The following COL25A1 variants were observed in gnomAD, a reference collection of about 807,000 sequenced individuals.
The protein encoded by COL25A1 is collagen alpha-1(XXV) chain.
Under a neutral mutation model 128.4 loss-of-function variants are expected in COL25A1, and 103 were observed. That is an observed-to-expected ratio of 0.80 (90% confidence interval 0.68 to 0.94). The LOEUF is 0.94. Among genes scored for constraint, COL25A1 ranks in the 40% least tolerant of loss-of-function variants. The pLI, the probability that COL25A1 is intolerant of heterozygous loss-of-function variation, is 0.00. For synonymous variants in COL25A1, 279 were observed against 277.2 expected (o/e 1.01, Z -0.06); for missense variants, 745 against 840.0 (o/e 0.89, Z 1.40).
chr4:109,026,924 G>C (rs555589901), intron 5 of COL25A1, among the ~76,000 whole-genome samples: 1 of 152,332 alleles, frequency 6.6e-6, no homozygotes, highest in Admixed American at 6.5e-5. Flanking sequence ...AGATCAATTT[G>C]CTGTACAGAG....
intron 3 of COL25A1, among the ~76,000 whole-genome samples, chr4:109,106,166 A>T (rs963751882): frequency 1.2e-4 from 19 of 152,158 alleles, no homozygotes; most frequent in African/African-American, 4.6e-4. Flanking sequence ...TATACAAATT[A>T]TCTTTCTCTT....
At chr4:109,182,882 TC>T (rs1351722019) in intron 3 of COL25A1, among the ~76,000 whole-genome samples, 1 of 152,036 alleles carries the variant, frequency 6.6e-6, no homozygotes, top group Non-Finnish European at 1.5e-5. Context: ...AAAAAAGGTT[TC>T]CTATTAACCT....
At chr4:108,939,014 C>G (rs1747771634) in intron 10 of COL25A1, among the ~76,000 whole-genome samples, 1 of 152,174 alleles carries the variant, frequency 6.6e-6, no homozygotes, top group African/African-American at 2.4e-5. Flanking sequence ...AAACTATATT[C>G]ATTTAAAGAA....
chr4:108,936,312 T>C (rs1747397115), intron 11 of COL25A1, among the ~76,000 whole-genome samples: 1 of 152,186 alleles, frequency 6.6e-6, no homozygotes, highest in African/African-American at 2.4e-5. Context: ...CTCACGCCTG[T>C]AATCCCAGCA....
chr4:108,969,550 G>A (rs1751691621), intron 8 of COL25A1, among the ~76,000 whole-genome samples: 1 of 152,178 alleles, frequency 6.6e-6, no homozygotes, highest in African/African-American at 2.4e-5. Flanking sequence ...CTTTCATGGT[G>A]AAATTGGAGC....
intron 5 of COL25A1, among the ~76,000 whole-genome samples, chr4:109,015,071 G>A (rs533238271): frequency 1.3e-5 from 2 of 152,210 alleles, no homozygotes; most frequent in African/African-American, 4.8e-5. Context: ...TGGTGATATG[G>A]TAATGGTATC....
chr4:109,301,651 G>A (rs1725542689), intron 2 of COL25A1, 72 bp downstream of exon 2: 8 of 1,521,448 alleles, frequency 5.3e-6, no homozygotes, highest in Non-Finnish European at 7.2e-6. Flanking sequence ...TAAGGGTAGC[G>A]GCTAGTCATG....
rs1772811014 is a variant in COL25A1, at chr4:109,163,810, A to C, written c.368-113631T>G. Among the ~76,000 whole-genome samples, 3 of 152,334 alleles carry C rather than the reference A, an allele frequency of 2.0e-5. No homozygotes were observed. The South Asian group carries it at 6.2e-4, about 32-fold the overall frequency. On this transcript the variant is annotated intron_variant, in intron 3 of 37. Transcript: ENST00000399132. ...CTGGTTTCTGGTTCTGATCTGTTGCAATGCACCAAAGAGTCATTTTTATTT... is the reference window on the plus strand; with the variant it reads ...CTGGTTTCTGGTTCTGATCTGTTGCCATGCACCAAAGAGTCATTTTTATTT...
intron 3 of COL25A1, among the ~76,000 whole-genome samples, chr4:109,076,402 C>A (rs1428781376): frequency 6.6e-6 from 1 of 152,146 alleles, no homozygotes; most frequent in East Asian, 1.9e-4. Flanking sequence ...ATGTATTAAT[C>A]AATTTATCAC....
At position 109,218,454 on chromosome 4, in the gene COL25A1, A is replaced by T. The variant is rs146523447; in HGVS notation, c.367+82129T>A. On this transcript the variant is annotated intron_variant, in intron 3 of 37. Coordinates refer to ENST00000399132, the MANE Select transcript of COL25A1 (RefSeq NM_198721.4). ...CCCATGAAAGTTTTAAACTCTATCCAAACCCAGGACAATCCAGCCTCTGTT... is the reference window on the plus strand; with the variant it reads ...CCCATGAAAGTTTTAAACTCTATCCTAACCCAGGACAATCCAGCCTCTGTT... 8.2e-5 allele frequency among the ~76,000 whole-genome samples: 12 copies of T among 146,154 alleles called. No individual in the cohort carries two copies. The East Asian group carries it at 2.5e-3, about 30-fold the overall frequency.
chr4:108,951,147 G>GA (rs763830102), intron 8 of COL25A1, among the ~76,000 whole-genome samples: 3 of 152,112 alleles, frequency 2.0e-5, no homozygotes, highest in Non-Finnish European at 4.4e-5. Flanking sequence ...GAAATGCCTG[G>GA]AAAAATTGAT....
intron 26 of COL25A1, among the ~76,000 whole-genome samples, chr4:108,851,766 A>G (rs1342359555): frequency 6.6e-6 from 1 of 152,186 alleles, no homozygotes; most frequent in East Asian, 1.9e-4. Flanking sequence ...TAAAGAATGC[A>G]TTATGAAAAA....
chr4:109,198,792 G>A (rs1364650779), intron 3 of COL25A1, among the ~76,000 whole-genome samples: 1 of 152,172 alleles, frequency 6.6e-6, no homozygotes, highest in African/African-American at 2.4e-5. Flanking sequence ...ACAAATGTCT[G>A]GGATGCTTTC....
chr4:109,301,783 A>C lies in COL25A1; in HGVS notation c.237T>G (p.Pro79=). The C allele has an allele frequency of 1.2e-6, 2 of 1,614,244 alleles. No homozygotes were observed. Among genetic ancestry groups the C allele is most frequent in the Non-Finnish European group, 1.7e-6 (2 of 1,180,036 alleles). ...TAGTCTTGAGGTGATCCAGGGTATC[A>C]GGCAGCAGATGAATGGAAGGGGCCC... ...AKGAPSIHLL[P]DTLDHLKTMV... Residue 79 remains proline (P), a synonymous_variant, in exon 2 of 38, where the codon CCT becomes CCG. Transcript: ENST00000399132.
intron 23 of COL25A1, 31 bp from the exon 24 acceptor site, chr4:108,859,764 G>C: frequency 6.4e-7 from 1 of 1,556,328 alleles, no homozygotes; most frequent in Non-Finnish European, 8.9e-7. Context: ...GGAAAATCAT[G>C]GGTATTAGCT....
chr4:108,858,311 G>A (rs1306255836), intron 24 of COL25A1, among the ~76,000 whole-genome samples: 2 of 152,140 alleles, frequency 1.3e-5, no homozygotes, highest in Non-Finnish European at 2.9e-5. Context: ...TAGGGAAAGA[G>A]TCATTGGTCA....
Position 109,302,539 on chromosome 4 carries a change from G to C in COL25A1, c.-427C>G, listed in dbSNP as rs1725658786. On this transcript the variant is annotated 5_prime_UTR_variant, in exon 1 of 38. Coordinates refer to ENST00000399132, the MANE Select transcript of COL25A1 (RefSeq NM_198721.4). The stretch of plus-strand genomic sequence containing the variant: ...TCAGTTCAAGGCAAAAAGGCTGTGA[G>C]AGCACGCTACAGCGCAGCGCGAAAG... The C allele has an allele frequency of 6.4e-6, 1 of 157,378 alleles. No homozygotes were observed. The highest frequency in any genetic ancestry group is 6.4e-5 in the Admixed American group (1 of 15,742). 9.7% of individuals were successfully genotyped at this position (157,378 alleles called of 1,614,324 possible). A position where few individuals can be genotyped will look rare whatever the true frequency, so the allele number is the denominator to read the frequency against.
chr4:109,242,362 C>T (rs992275097), intron 3 of COL25A1, among the ~76,000 whole-genome samples: 2 of 152,096 alleles, frequency 1.3e-5, no homozygotes, highest in Non-Finnish European at 2.9e-5. Context: ...CTCACCTGCA[C>T]TTCACTTCAC....
chr4:109,052,896 T>C (rs536266950), intron 3 of COL25A1, among the ~76,000 whole-genome samples: 1 of 152,280 alleles, frequency 6.6e-6, no homozygotes, highest in East Asian at 1.9e-4. Flanking sequence ...AGTGATGAAT[T>C]GTCAGCCAGG....
Sources: allele counts gnomAD v4.1 joint callset (sites outside exome capture counted in the v4.1 genomes callset), GRCh38; gene constraint gnomAD v4.1.1; transcripts MANE v1.5; gene names NCBI Gene and HGNC (gene_info 2026-07-23, HGNC 2026-07-21).